Variants in VWA3B observed in about 807,000 individuals in gnomAD.
The protein encoded by VWA3B is von Willebrand factor A domain containing 3B, also known as von Willebrand factor A domain-containing protein 3B.
A neutral mutation model predicts 158.3 loss-of-function variants in VWA3B; 138 were observed. The ratio of observed to expected loss-of-function variants is 0.87; its 90% CI spans 0.76 to 1.00. VWA3B has a LOEUF of 1.00. Among genes scored for constraint, VWA3B ranks in the 50% least tolerant of loss-of-function variants. VWA3B has a pLI of 0.00. For synonymous variants in VWA3B, 596 were observed against 587.3 expected (o/e 1.01, Z -0.21); for missense variants, 1,555 against 1,565.1 (o/e 0.99, Z 0.11).
intron 20 of VWA3B, among the ~76,000 whole-genome samples, chr2:98,254,365 T>C (rs1686981210): frequency 6.6e-6 from 1 of 152,144 alleles, no homozygotes; most frequent in East Asian, 1.9e-4. Flanking sequence ...TACATTTACA[T>C]TTAAGGGGAT....
chr2:98,186,711 C>CT (rs1681091840), intron 9 of VWA3B, among the ~76,000 whole-genome samples: 1 of 152,048 alleles, frequency 6.6e-6, no homozygotes, highest in African/African-American at 2.4e-5. Flanking sequence ...GTCTTGGCTG[C>CT]CCGGGGCCAT....
At chr2:98,252,674 A>G (rs1686871037) in intron 20 of VWA3B, among the ~76,000 whole-genome samples, 1 of 152,126 alleles carries the variant, frequency 6.6e-6, no homozygotes, top group African/African-American at 2.4e-5. Flanking sequence ...TGCTGACCCT[A>G]AAATAACCAT....
At chr2:98,327,315 T>TA in the VWA3B span, among the ~76,000 whole-genome samples, 1 of 150,922 alleles carries the variant, frequency 6.6e-6, no homozygotes, top group South Asian at 2.1e-4. Context: ...ACAAAAGATA[T>TA]AAAAAACAAG....
intron 24 of VWA3B, among the ~76,000 whole-genome samples, chr2:98,298,464 ATG>A (rs1689979043): frequency 6.6e-6 from 1 of 151,942 alleles, no homozygotes; most frequent in Non-Finnish European, 1.5e-5. Flanking sequence ...ATGCCATGCC[ATG>A]CCATCCCACC....
At chr2:98,329,731 A>G in the VWA3B span, among the ~76,000 whole-genome samples, 1 of 152,216 alleles carries the variant, frequency 6.6e-6, no homozygotes, top group Non-Finnish European at 1.5e-5. Flanking sequence ...AGTTGACGTT[A>G]AACAAGGGAA....
At chr2:98,175,396 T>C (rs1679928226) in intron 8 of VWA3B, among the ~76,000 whole-genome samples, 1 of 152,206 alleles carries the variant, frequency 6.6e-6, no homozygotes, top group Non-Finnish European at 1.5e-5. Flanking sequence ...AGAAATTCTG[T>C]AGTTGAAAAA....
At chr2:98,315,558 A>T (rs1558790327), downstream of VWA3B, among the ~76,000 whole-genome samples, 1 of 152,234 alleles carries the variant, frequency 6.6e-6, no homozygotes, top group Admixed American at 6.5e-5. Context: ...AAGTGATGTA[A>T]AAAAGATTCC....
At chr2:98,226,771 G>C (rs969988275) in intron 14 of VWA3B, among the ~76,000 whole-genome samples, 2 of 151,408 alleles carry the variant, frequency 1.3e-5, no homozygotes, top group African/African-American at 4.8e-5. Flanking sequence ...TGTATGCACA[G>C]ACATTTCACT....
At chr2:98,307,365 T>C (rs1690589562) in intron 26 of VWA3B, among the ~76,000 whole-genome samples, 1 of 152,182 alleles carries the variant, frequency 6.6e-6, no homozygotes, top group South Asian at 2.1e-4. Flanking sequence ...TTGTTCTGAC[T>C]GACTAGCAAC....
At chr2:98,257,858 T>C (rs982925974) in intron 21 of VWA3B, among the ~76,000 whole-genome samples, 2 of 152,014 alleles carry the variant, frequency 1.3e-5, no homozygotes, top group African/African-American at 4.8e-5. Flanking sequence ...AGTTTTTAAG[T>C]TTTAGGAAGT....
intron 22 of VWA3B, among the ~76,000 whole-genome samples, chr2:98,287,812 G>A (rs1165636499): frequency 3.3e-5 from 5 of 152,120 alleles, no homozygotes; most frequent in East Asian, 1.9e-4. Flanking sequence ...GACCTTGTTC[G>A]TTTTTAAAGA....
intron 7 of VWA3B, among the ~76,000 whole-genome samples, chr2:98,148,784 A>G (rs1044133944): frequency 7.2e-5 from 11 of 152,166 alleles, no homozygotes; most frequent in Non-Finnish European, 1.6e-4. Flanking sequence ...ATTCTTCTAT[A>G]TGACACTTGC....
intron 17 of VWA3B, 113 bp from the exon 18 acceptor site, chr2:98,236,277 G>C: frequency 1.8e-6 from 2 of 1,138,354 alleles, no homozygotes; most frequent in Non-Finnish European, 2.6e-6. Flanking sequence ...CTGAAATGTG[G>C]TCCATTTATT....
At chr2:98,300,529 C>T (rs1690111928) in intron 25 of VWA3B, among the ~76,000 whole-genome samples, 1 of 152,188 alleles carries the variant, frequency 6.6e-6, no homozygotes, top group South Asian at 2.1e-4. Context: ...TCCTCATCCT[C>T]GCGTCCTCAT....
intron 7 of VWA3B, among the ~76,000 whole-genome samples, chr2:98,158,368 C>T (rs1233418811): frequency 6.6e-6 from 1 of 152,198 alleles, no homozygotes; most frequent in African/African-American, 2.4e-5. Context: ...AGACCCCAGC[C>T]CACAACAGCT....
At chr2:98,298,414 ATT>A (rs1260140113) in intron 24 of VWA3B, among the ~76,000 whole-genome samples, 16 of 150,868 alleles carry the variant, frequency 1.1e-4, no homozygotes, top group Non-Finnish European at 1.6e-4. Flanking sequence ...ATTCTATTCT[ATT>A]CTATTCTATT....
chr2:98,194,321 C>A (rs1462628797), intron 11 of VWA3B, 40 bp from the exon 12 acceptor site: 1 of 1,597,698 alleles, frequency 6.3e-7, no homozygotes, highest in Admixed American at 1.7e-5. Flanking sequence ...TTTCTAACAT[C>A]TGAGTGGTTT....
chr2:98,091,168 A>T (rs1187326989), intron 1 of VWA3B, among the ~76,000 whole-genome samples: 1 of 152,208 alleles, frequency 6.6e-6, no homozygotes, highest in Non-Finnish European at 1.5e-5. Context: ...TCCTACTGGA[A>T]TGCAGATTGC....
At chr2:98,188,399 A>G (rs1681305799) in intron 10 of VWA3B, among the ~76,000 whole-genome samples, 1 of 152,148 alleles carries the variant, frequency 6.6e-6, no homozygotes, top group African/African-American at 2.4e-5. Context: ...TACATAAATT[A>G]TAGCTGACCA....
Sources: allele counts gnomAD v4.1 joint callset (sites outside exome capture counted in the v4.1 genomes callset), GRCh38; gene constraint gnomAD v4.1.1; transcripts MANE v1.5; gene names NCBI Gene and HGNC (gene_info 2026-07-23, HGNC 2026-07-21).